The following NBAS variants were observed in gnomAD, a reference collection of about 807,000 sequenced individuals.
The protein encoded by NBAS is NBAS subunit of NRZ tethering complex, also known as NAG/BC035112 fusion.
NBAS carries 219 observed loss-of-function variants against 302.5 expected under a neutral mutation model. The ratio of observed to expected loss-of-function variants is 0.72; its 90% CI spans 0.65 to 0.81. The LOEUF is 0.81. Ranked by LOEUF, NBAS falls within the 30% of genes least tolerant of loss-of-function variation. The probability of loss-of-function intolerance (pLI) is 0.00; values close to 1 mark genes in which losing one functional copy is unlikely to be tolerated. For synonymous variants in NBAS, 1,118 were observed against 1,021.6 expected, an observed-to-expected ratio of 1.09 and a Z score of -1.80; for missense variants, 2,932 against 2,841.6, an observed-to-expected ratio of 1.03 and a Z score of -0.72.
rs140697042 is a variant in NBAS at position 15,420,840 on chromosome 2, A to C, written c.2578-3128T>G. On this transcript the variant is annotated intron_variant, in intron 23 of 51. Coordinates refer to ENST00000281513, the MANE Select transcript of NBAS (RefSeq NM_015909.4). ...AGTAGAGGAGAAGGGGAAGAGGGGG[A>C]AGCAACGTAATGCCAAGAAAAAATG... Among the ~76,000 whole-genome samples, 1,016 of 152,278 alleles carry C rather than the reference A, an allele frequency of 6.7e-3. 12 individuals carry two copies. The highest frequency in any genetic ancestry group is 0.022 in the African/African-American group (919 of 41,548).
chr2:15,156,802 G>C, the NBAS span, among the ~76,000 whole-genome samples: 1 of 152,312 alleles, frequency 6.6e-6, no homozygotes, highest in East Asian at 1.9e-4. Flanking sequence ...ATCTTTCCAA[G>C]CACAGACCCT....
the NBAS span, among the ~76,000 whole-genome samples, chr2:15,127,114 A>C: frequency 2.6e-5 from 4 of 152,144 alleles, no homozygotes; most frequent in South Asian, 8.3e-4. Context: ...AGGATCCTGC[A>C]CTTGGTTTAA....
chr2:14,914,255 C>T, the NBAS span, among the ~76,000 whole-genome samples: 7 of 152,296 alleles, frequency 4.6e-5, no homozygotes, highest in African/African-American at 1.7e-4. Context: ...ACAGCCAAAC[C>T]ATATCACACA....
chr2:15,061,163 A>G, the NBAS span, among the ~76,000 whole-genome samples: 1 of 152,224 alleles, frequency 6.6e-6, no homozygotes, highest in Non-Finnish European at 1.5e-5. Flanking sequence ...CGCTCTTGGT[A>G]TAAACGTAAG....
the NBAS span, among the ~76,000 whole-genome samples, chr2:15,064,302 CAAA>C: frequency 2.2e-3 from 290 of 131,390 alleles, no homozygotes; most frequent in East Asian, 7.9e-3. Flanking sequence ...AGAAAAGACT[CAAA>C]AAAAAAAAAA....
chr2:15,409,623 A>G (rs1676585622), intron 25 of NBAS, among the ~76,000 whole-genome samples: 1 of 152,130 alleles, frequency 6.6e-6, no homozygotes, highest in Non-Finnish European at 1.5e-5. Flanking sequence ...CTCTTTTTCA[A>G]ATCTTACTCT....
chr2:15,144,460 T>C, the NBAS span, among the ~76,000 whole-genome samples: 3 of 152,242 alleles, frequency 2.0e-5, no homozygotes, highest in Admixed American at 1.3e-4. Flanking sequence ...TTGATTCAGA[T>C]ACAATTGCAT....
intron 10 of NBAS, among the ~76,000 whole-genome samples, chr2:15,505,794 A>G (rs1460088037): frequency 1.3e-5 from 2 of 152,162 alleles, no homozygotes; most frequent in East Asian, 1.9e-4. Context: ...TTAACATAGC[A>G]CTCCAAACAG....
At chr2:14,980,814 A>G in the NBAS span, among the ~76,000 whole-genome samples, 1 of 152,344 alleles carries the variant, frequency 6.6e-6, no homozygotes, top group Admixed American at 6.5e-5. Context: ...TCAGAAAGAT[A>G]AGAGAACATA....
At chr2:15,338,873 G>T (rs940640004) in intron 35 of NBAS, among the ~76,000 whole-genome samples, 2 of 151,976 alleles carry the variant, frequency 1.3e-5, no homozygotes, top group Non-Finnish European at 2.9e-5. Flanking sequence ...ATTACCCAGG[G>T]ATAGTGGCAT....
chr2:15,396,247 AT>A (rs1192288696), intron 27 of NBAS, among the ~76,000 whole-genome samples, 165 bp downstream of exon 27: 1 of 152,168 alleles, frequency 6.6e-6, no homozygotes, highest in Non-Finnish European at 1.5e-5. Context: ...CTCCACTACA[AT>A]AGGGGTGCAG....
At chr2:15,033,587 T>C in the NBAS span, among the ~76,000 whole-genome samples, 4 of 152,114 alleles carry the variant, frequency 2.6e-5, no homozygotes, top group African/African-American at 9.7e-5. Flanking sequence ...ATTCACAATG[T>C]GATGGTATTT....
chr2:15,048,794 T>C, the NBAS span, among the ~76,000 whole-genome samples: 2 of 152,246 alleles, frequency 1.3e-5, no homozygotes, highest in Admixed American at 1.3e-4. Context: ...AGTCCTGCAC[T>C]GACCAGGTGC....
chr2:15,492,952 A>G (rs995681135), intron 11 of NBAS, among the ~76,000 whole-genome samples: 3 of 152,170 alleles, frequency 2.0e-5, no homozygotes, highest in Non-Finnish European at 4.4e-5. Flanking sequence ...GTTTGGCTCT[A>G]TATCCCCACC....
At chr2:15,189,487 C>G (rs1665242771) in intron 49 of NBAS, among the ~76,000 whole-genome samples, 1 of 152,134 alleles carries the variant, frequency 6.6e-6, no homozygotes, top group African/African-American at 2.4e-5. Flanking sequence ...AAGATCAGTC[C>G]TGAGCCAAAC....
chr2:15,027,348 CTT>C, the NBAS span, among the ~76,000 whole-genome samples: 12 of 151,956 alleles, frequency 7.9e-5, no homozygotes, highest in Admixed American at 1.3e-4. Context: ...TTTATTTACT[CTT>C]AAGTATTTTA....
At chr2:15,016,258 G>A in the NBAS span, among the ~76,000 whole-genome samples, 105 of 152,196 alleles carry the variant, frequency 6.9e-4, no homozygotes, top group African/African-American at 2.1e-3. Flanking sequence ...ATCAGATCCC[G>A]TGAGACTTAT....
At chr2:15,049,939 G>A in the NBAS span, among the ~76,000 whole-genome samples, 3 of 152,340 alleles carry the variant, frequency 2.0e-5, no homozygotes, top group African/African-American at 4.8e-5. Context: ...CATGCTAGCC[G>A]CAGGTATCTG....
chr2:15,193,419 T>C (rs942255615), intron 48 of NBAS, among the ~76,000 whole-genome samples: 3 of 152,156 alleles, frequency 2.0e-5, no homozygotes. Context: ...AAAATTGGCC[T>C]AAAAATGGAC....
Sources: allele counts gnomAD v4.1 joint callset (sites outside exome capture counted in the v4.1 genomes callset), GRCh38; gene constraint gnomAD v4.1.1; transcripts MANE v1.5; gene names NCBI Gene and HGNC (gene_info 2026-07-23, HGNC 2026-07-21).